The following UBE2G1 variants were observed in gnomAD, a reference collection of about 807,000 sequenced individuals.
UBE2G1 encodes ubiquitin conjugating enzyme E2 G1, also known as ubiquitin-conjugating enzyme E2 G1.
A neutral mutation model predicts 22.7 loss-of-function variants in UBE2G1; 5 were observed. That is an observed-to-expected ratio of 0.22 (90% CI 0.12 to 0.46). The LOEUF is 0.46. Ranked by LOEUF, UBE2G1 falls within the 20% of genes least tolerant of loss-of-function variation. The pLI, the probability that UBE2G1 is intolerant of heterozygous loss-of-function variation, is 0.99. For missense variants in UBE2G1, 88 were observed against 203.9 expected (o/e 0.43, Z 3.46); for synonymous variants, 74 against 67.5 (o/e 1.10, Z -0.47).
At chr17:4,335,341 ACAGT>A (rs1345745491) in intron 1 of UBE2G1, 1 of 152,168 alleles carries the variant, frequency 6.6e-6, no homozygotes, top group Non-Finnish European at 1.5e-5. Context: ...AGGGAAAAAA[ACAGT>A]CAGGCTGGCC....
intron 1 of UBE2G1, among the ~76,000 whole-genome samples, chr17:4,340,875 G>T (rs73330842): frequency 0.043 from 5,865 of 136,494 alleles, 478 homozygotes; most frequent in African/African-American, 0.16. Context: ...TCCACACCCG[G>T]CCCCTTAATT....
chr17:4,318,359 G>A (rs938513664), intron 1 of UBE2G1, among the ~76,000 whole-genome samples: 9 of 152,096 alleles, frequency 5.9e-5, no homozygotes, highest in Admixed American at 5.9e-4. Context: ...TAGTAGGACT[G>A]CCAAACAAGG....
At chr17:4,359,431 G>A (rs922072920) in intron 1 of UBE2G1, among the ~76,000 whole-genome samples, 3 of 152,154 alleles carry the variant, frequency 2.0e-5, no homozygotes, top group South Asian at 2.1e-4. Flanking sequence ...AAATATTTCC[G>A]CTTACAAAAA....
At chr17:4,320,901 G>A (rs1969429454) in intron 1 of UBE2G1, among the ~76,000 whole-genome samples, 1 of 151,696 alleles carries the variant, frequency 6.6e-6, no homozygotes, top group Non-Finnish European at 1.5e-5. Flanking sequence ...ATGCTGCCTA[G>A]GTATGAGCTG....
At chr17:4,296,024 T>C (rs184118222) in intron 3 of UBE2G1, among the ~76,000 whole-genome samples, 399 of 150,564 alleles carry the variant, frequency 2.7e-3, no homozygotes, top group African/African-American at 9.3e-3. Flanking sequence ...ATAGAAGAGT[T>C]GTCCATGGTA....
chr17:4,348,369 C>T (rs1265994168), intron 1 of UBE2G1, among the ~76,000 whole-genome samples: 3 of 148,016 alleles, frequency 2.0e-5, no homozygotes, highest in Non-Finnish European at 3.0e-5. Flanking sequence ...CCGGCTAAAA[C>T]GGTGAAACCC....
rs143855591 is a variant in UBE2G1 at position 4,300,364 on chromosome 17, G to C, written c.150-3550C>G. Among the ~76,000 whole-genome samples, 57 of 151,816 alleles carry C rather than the reference G, an allele frequency of 3.8e-4. No homozygotes were observed. The East Asian group carries it at 0.011, about 29-fold the overall frequency. ...TCGAAAACAACCTGACCAATATGGTGAAACGCCGTCTCTACTAAAAATGCA... is the reference window on the plus strand; with the variant it reads ...TCGAAAACAACCTGACCAATATGGTCAAACGCCGTCTCTACTAAAAATGCA... On this transcript the variant is annotated intron_variant, in intron 2 of 5. Transcript: ENST00000396981.
intron 1 of UBE2G1, among the ~76,000 whole-genome samples, chr17:4,336,144 C>CAA (rs984948474): frequency 2.0e-5 from 3 of 151,620 alleles, no homozygotes; most frequent in African/African-American, 7.3e-5. Flanking sequence ...TAGACTGTCT[C>CAA]AAAAAGAAAA....
rs563130020 is a variant in UBE2G1 at position 4,339,327 on chromosome 17, G to A, written c.46+26944C>T. ...CTTCTCTATTTTTTTTTTTTGAGAC[G>A]GAATTTCACTCTTGTTGCCCAGGCT... On this transcript the variant is annotated intron_variant, in intron 1 of 5. Transcript: ENST00000396981. Among the ~76,000 whole-genome samples the A allele has an allele frequency of 9.9e-5, 15 of 150,960 alleles. No individual in the cohort carries two copies. The South Asian group carries it at 1.9e-3, about 19-fold the overall frequency.
intron 1 of UBE2G1, among the ~76,000 whole-genome samples, chr17:4,327,242 A>C: frequency 6.6e-6 from 1 of 152,166 alleles, no homozygotes; most frequent in East Asian, 1.9e-4. Context: ...GGTTGCAGTG[A>C]GCCGAGATCG....
intron 1 of UBE2G1, among the ~76,000 whole-genome samples, chr17:4,328,954 A>G (rs1319343022): frequency 6.6e-6 from 1 of 151,702 alleles, no homozygotes; most frequent in Non-Finnish European, 1.5e-5. Context: ...AGGATACAAA[A>G]AATTAGCCAG....
At chr17:4,310,148 T>A (rs1461134596) in intron 1 of UBE2G1, among the ~76,000 whole-genome samples, 2 of 152,212 alleles carry the variant, frequency 1.3e-5, no homozygotes, top group African/African-American at 4.8e-5. Flanking sequence ...TCATGAATGC[T>A]TCCTTCAAGG....
chr17:4,316,894 G>A (rs1173511028), intron 1 of UBE2G1, among the ~76,000 whole-genome samples: 2 of 146,660 alleles, frequency 1.4e-5, no homozygotes, highest in Non-Finnish European at 3.0e-5. Context: ...AACCTAAGAA[G>A]GTGCCAATGC....
chr17:4,350,466 A>C (rs1969832461), intron 1 of UBE2G1, among the ~76,000 whole-genome samples: 1 of 152,138 alleles, frequency 6.6e-6, no homozygotes, highest in Admixed American at 6.6e-5. Flanking sequence ...CTCAAAAAAA[A>C]CAAAAAAGAA....
intron 1 of UBE2G1, among the ~76,000 whole-genome samples, chr17:4,321,357 CT>C (rs1248824378): frequency 5.8e-4 from 83 of 142,032 alleles, no homozygotes; most frequent in Non-Finnish European, 4.9e-5. Context: ...TTACTGCTGG[CT>C]AACACTGGGC....
intron 1 of UBE2G1, among the ~76,000 whole-genome samples, chr17:4,342,611 G>A (rs1969724115): frequency 6.6e-6 from 1 of 152,098 alleles, no homozygotes; most frequent in Non-Finnish European, 1.5e-5. Flanking sequence ...TATTCCACCA[G>A]CAAATTCCAA....
intron 5 of UBE2G1, among the ~76,000 whole-genome samples, chr17:4,281,561 T>C (rs67831913): frequency 0.2 from 30,661 of 152,154 alleles, 3,276 homozygotes; most frequent in Non-Finnish European, 0.23. Context: ...AGGTCTTTTA[T>C]TGAGTAATTT....
intron 5 of UBE2G1, among the ~76,000 whole-genome samples, chr17:4,281,859 T>C (rs1968896204): frequency 6.6e-6 from 1 of 152,178 alleles, no homozygotes; most frequent in Admixed American, 6.5e-5. Flanking sequence ...TCAGTTTCTA[T>C]CATTTCAATA....
intron 2 of UBE2G1, chr17:4,302,517 C>T (rs1969196273): frequency 2.2e-6 from 1 of 458,164 alleles, no homozygotes; most frequent in Admixed American, 2.3e-5. Flanking sequence ...TCATTTCCAT[C>T]ACTGCTGGGA....
Sources: allele counts gnomAD v4.1 joint callset (sites outside exome capture counted in the v4.1 genomes callset), GRCh38; gene constraint gnomAD v4.1.1; transcripts MANE v1.5; gene names NCBI Gene and HGNC (gene_info 2026-07-23, HGNC 2026-07-21).